The following AGBL4 variants were observed in gnomAD, a reference collection of about 807,000 sequenced individuals.
AGBL4 encodes cytosolic carboxypeptidase 6.
AGBL4 carries 58 observed loss-of-function variants against 66.4 expected under a neutral mutation model. The ratio of observed to expected loss-of-function variants is 0.87; its 90% CI spans 0.71 to 1.09. The LOEUF is 1.09. AGBL4 is among the 50% of genes least tolerant of loss of function. The pLI, the probability that AGBL4 is intolerant of heterozygous loss-of-function variation, is 0.00. For synonymous variants in AGBL4, 234 were observed against 222.9 expected, an observed-to-expected ratio of 1.05 and a Z score of -0.44; for missense variants, 579 against 631.0, an observed-to-expected ratio of 0.92 and a Z score of 0.88.
intron 3 of AGBL4, among the ~76,000 whole-genome samples, chr1:49,668,990 A>C (rs919686264): frequency 7.2e-5 from 11 of 152,124 alleles, no homozygotes; most frequent in Admixed American, 4.6e-4. Context: ...GAAATCTATG[A>C]TCAAGGCAAT....
chr1:49,894,983 G>A (rs963320530), intron 1 of AGBL4, among the ~76,000 whole-genome samples: 2 of 151,888 alleles, frequency 1.3e-5, no homozygotes, highest in African/African-American at 4.8e-5. Flanking sequence ...ACTCCCAAAG[G>A]TCACGAATAA....
chr1:49,843,115 G>A (rs1442978084), intron 2 of AGBL4, among the ~76,000 whole-genome samples: 1 of 152,020 alleles, frequency 6.6e-6, no homozygotes, highest in Non-Finnish European at 1.5e-5. Context: ...TGTGGGAGAG[G>A]GTCACATTAG....
chr1:49,862,079 A>T (rs1056863582), intron 1 of AGBL4, among the ~76,000 whole-genome samples: 1 of 152,188 alleles, frequency 6.6e-6, no homozygotes, highest in African/African-American at 2.4e-5. Context: ...AAAAATAGAG[A>T]TATGTGACCT....
At chr1:49,015,719 T>G (rs1022273867) in intron 5 of AGBL4, among the ~76,000 whole-genome samples, 1 of 152,106 alleles carries the variant, frequency 6.6e-6, no homozygotes, top group African/African-American at 2.4e-5. Context: ...CCACCGCGCC[T>G]GGCCTCAAGT....
chr1:49,951,444 C>A (rs1656150590), intron 1 of AGBL4, among the ~76,000 whole-genome samples: 1 of 151,902 alleles, frequency 6.6e-6, no homozygotes, highest in South Asian at 2.1e-4. Flanking sequence ...ACAAAAGCCA[C>A]CATAGCCTTA....
At position 48,688,365 on chromosome 1, in the gene AGBL4, T is replaced by C. The variant is rs978679969; in HGVS notation, c.635-25124A>G. Among the ~76,000 whole-genome samples, 68 of 152,218 alleles carry C rather than the reference T, an allele frequency of 4.5e-4. 1 individual carries two copies. Among genetic ancestry groups the C allele is most frequent in the African/African-American group, 1.6e-3 (67 of 41,464 alleles). ...CAGGGCGCTCCTCCTTCCTGCTTCC[T>C]CATCTCCATGCCTCCACCCTTGGTG... On this transcript the variant is annotated intron_variant, in intron 6 of 13. Transcript: ENST00000371839.
intron 11 of AGBL4, among the ~76,000 whole-genome samples, chr1:48,547,049 C>T (rs898392021): frequency 1.3e-5 from 2 of 151,908 alleles, no homozygotes; most frequent in Non-Finnish European, 1.5e-5. Context: ...GGAAGGGTGT[C>T]TGGGAAGGGT....
At chr1:48,613,027 G>A (rs1296984962) in intron 9 of AGBL4, among the ~76,000 whole-genome samples, 3 of 152,062 alleles carry the variant, frequency 2.0e-5, no homozygotes, top group Admixed American at 6.6e-5. Flanking sequence ...CCAGCTACTC[G>A]GGAGGCTGAG....
chr1:48,985,332 GGACAGAGTAGAA>G lies in AGBL4; in HGVS notation c.594+60240_594+60251del, dbSNP rs549242444. On this transcript the variant is annotated intron_variant, in intron 5 of 13. Coordinates refer to ENST00000371839, the MANE Select transcript of AGBL4 (RefSeq NM_032785.4). ...AATTTGCAGGTCAGAGAACTGGAGA[GGACAGAGTAGAA>G]GACAGAAAAAATTAAAGAGCTTTGC... 4.3e-4 allele frequency among the ~76,000 whole-genome samples: 66 copies of G among 152,174 alleles called. 2 individuals carry two copies. The South Asian group carries it at 0.012, about 28-fold the overall frequency.
chr1:49,428,634 GATT>G (rs1448368228), intron 3 of AGBL4, among the ~76,000 whole-genome samples: 1 of 152,200 alleles, frequency 6.6e-6, no homozygotes, highest in Non-Finnish European at 1.5e-5. Flanking sequence ...TGCAGATTCA[GATT>G]ATTAAGATGC....
At chr1:49,315,645 T>C (rs1186711131) in intron 3 of AGBL4, among the ~76,000 whole-genome samples, 1 of 151,510 alleles carries the variant, frequency 6.6e-6, no homozygotes, top group Non-Finnish European at 1.5e-5. Flanking sequence ...GAAAAAAGCT[T>C]TAATTCATTT....
intron 1 of AGBL4, among the ~76,000 whole-genome samples, chr1:49,966,983 A>G (rs543089127): frequency 6.6e-6 from 1 of 152,218 alleles, no homozygotes; most frequent in African/African-American, 2.4e-5. Flanking sequence ...ATGTGTCTTT[A>G]TAGTAGAATG....
chr1:48,914,516 A>C (rs537890677), intron 5 of AGBL4, among the ~76,000 whole-genome samples: 18 of 152,342 alleles, frequency 1.2e-4, no homozygotes, highest in African/African-American at 3.8e-4. Context: ...CATGGGGTTA[A>C]GAAAGTTATT....
intron 1 of AGBL4, among the ~76,000 whole-genome samples, chr1:49,926,361 C>A (rs775674454): frequency 3.3e-5 from 5 of 152,026 alleles, no homozygotes; most frequent in African/African-American, 4.8e-5. Context: ...CTGCAGTGAC[C>A]GAAAACTTAG....
intron 3 of AGBL4, among the ~76,000 whole-genome samples, chr1:49,658,388 G>A (rs1389207778): frequency 1.3e-5 from 2 of 152,174 alleles, no homozygotes; most frequent in Non-Finnish European, 2.9e-5. Flanking sequence ...GGAGAAATAG[G>A]AACACTTTTA....
At chr1:49,433,371 TG>T (rs1296029697) in intron 3 of AGBL4, among the ~76,000 whole-genome samples, 1 of 152,152 alleles carries the variant, frequency 6.6e-6, no homozygotes, top group East Asian at 1.9e-4. Flanking sequence ...TCTCTGATAC[TG>T]TAGTGTCATA....
At chr1:49,521,653 T>C (rs1257049080) in intron 3 of AGBL4, among the ~76,000 whole-genome samples, 1 of 151,976 alleles carries the variant, frequency 6.6e-6, no homozygotes, top group Non-Finnish European at 1.5e-5. Context: ...AGAAAAAAAC[T>C]AACACAACAT....
chr1:49,502,645 AC>A (rs1648274054), intron 3 of AGBL4, among the ~76,000 whole-genome samples: 2 of 152,136 alleles, frequency 1.3e-5, no homozygotes, highest in Admixed American at 1.3e-4. Flanking sequence ...AGAAATATGG[AC>A]AATGAAGTCC....
At chr1:49,085,188 G>A (rs1166789824) in intron 4 of AGBL4, among the ~76,000 whole-genome samples, 2 of 152,014 alleles carry the variant, frequency 1.3e-5, no homozygotes, top group African/African-American at 4.8e-5. Flanking sequence ...CTCTGCCTGA[G>A]CTGAAACATC....
Sources: gnomAD v4.1 joint callset for allele counts (sites outside exome capture counted in the v4.1 genomes callset) on GRCh38, gnomAD v4.1.1 for gene constraint, MANE v1.5 for transcripts, NCBI Gene and HGNC (gene_info 2026-07-23, HGNC 2026-07-21) for gene names.